The following BLTP3B variants were observed in gnomAD, a reference collection of about 807,000 sequenced individuals.
BLTP3B encodes bridge-like lipid transfer protein family member 3B.
At chr12:100,112,669 A>G in the BLTP3B span, among the ~76,000 whole-genome samples, 1 of 152,046 alleles carries the variant, frequency 6.6e-6, no homozygotes, top group Non-Finnish European at 1.5e-5. Flanking sequence ...GCAAAACAAA[A>G]CAAAACAAAA....
the BLTP3B span, chr12:100,037,720 C>T: frequency 1.9e-6 from 3 of 1,609,750 alleles, no homozygotes; most frequent in Non-Finnish European, 1.7e-6. Flanking sequence ...TAGCTTTAGC[C>T]AGTTCCTGTT....
chr12:100,127,769 T>TGG, the BLTP3B span, among the ~76,000 whole-genome samples: 1 of 152,144 alleles, frequency 6.6e-6, no homozygotes, highest in African/African-American at 2.4e-5. Flanking sequence ...TCCTAGCACT[T>TGG]TGGGAGGCCT....
the BLTP3B span, among the ~76,000 whole-genome samples, chr12:100,066,603 C>T: frequency 6.6e-6 from 1 of 150,878 alleles, no homozygotes; most frequent in African/African-American, 2.4e-5. Flanking sequence ...ACCATCCTGG[C>T]TAACACGGTG....
chr12:100,084,777 A>G, the BLTP3B span: 4 of 1,037,642 alleles, frequency 3.9e-6, no homozygotes, highest in Non-Finnish European at 5.4e-6. Flanking sequence ...TATCTGAAAA[A>G]TTTACAGGCT....
chr12:100,098,968 A>G, the BLTP3B span, among the ~76,000 whole-genome samples: 1 of 151,284 alleles, frequency 6.6e-6, no homozygotes, highest in Non-Finnish European at 1.5e-5. Flanking sequence ...ATACATAGAT[A>G]CATAGATAAT....
the BLTP3B span, among the ~76,000 whole-genome samples, chr12:100,063,390 A>G: frequency 6.6e-5 from 10 of 152,194 alleles, no homozygotes; most frequent in African/African-American, 2.4e-4. Flanking sequence ...CCTGGCTCTC[A>G]GAATCCACAC....
At chr12:100,128,800 A>T in the BLTP3B span, 255 of 1,174,376 alleles carry the variant, frequency 2.2e-4, no homozygotes, top group Admixed American at 7.8e-4. Flanking sequence ...AATGATGATT[A>T]AAAAAATTTA....
chr12:100,106,427 A>G, the BLTP3B span, among the ~76,000 whole-genome samples: 2 of 151,882 alleles, frequency 1.3e-5, no homozygotes, highest in Non-Finnish European at 2.9e-5. Context: ...ACTCAGCCAT[A>G]AAAAAAGAGC....
chr12:100,109,669 G>A, the BLTP3B span, among the ~76,000 whole-genome samples: 2 of 152,100 alleles, frequency 1.3e-5, no homozygotes, highest in South Asian at 4.1e-4. Flanking sequence ...AGGAGGCTGA[G>A]GTGGGAGTTT....
the BLTP3B span, among the ~76,000 whole-genome samples, chr12:100,127,876 TG>T: frequency 6.6e-6 from 1 of 151,912 alleles, no homozygotes; most frequent in African/African-American, 2.4e-5. Flanking sequence ...CAGCCAGGCA[TG>T]GGGTACATGC....
At chr12:100,097,282 G>T in the BLTP3B span, 1 of 1,399,658 alleles carries the variant, frequency 7.1e-7, no homozygotes, top group Non-Finnish European at 9.6e-7. Context: ...ATTTCCTATA[G>T]TTAACTAATA....
the BLTP3B span, among the ~76,000 whole-genome samples, chr12:100,113,426 G>A: frequency 2.0e-5 from 3 of 152,004 alleles, no homozygotes; most frequent in African/African-American, 7.2e-5. Flanking sequence ...TTGCCCCACT[G>A]CACTCCAGCC....
the BLTP3B span, among the ~76,000 whole-genome samples, chr12:100,131,939 G>C: frequency 1.3e-4 from 20 of 152,186 alleles, no homozygotes; most frequent in African/African-American, 4.6e-4. Flanking sequence ...ACAGGCATGC[G>C]CCACCATGCC....
the BLTP3B span, chr12:100,050,268 G>C: frequency 5.6e-6 from 9 of 1,610,694 alleles, 1 homozygote; most frequent in South Asian, 8.9e-5. Context: ...CTTCCCCTCG[G>C]ATGTCAATTT....
the BLTP3B span, among the ~76,000 whole-genome samples, chr12:100,107,120 T>G: frequency 1.3e-5 from 2 of 151,676 alleles, no homozygotes; most frequent in African/African-American, 4.8e-5. Context: ...AAACCCCATC[T>G]CTACTAAAAA....
At chr12:100,116,057 A>G in the BLTP3B span, among the ~76,000 whole-genome samples, 1 of 151,778 alleles carries the variant, frequency 6.6e-6, no homozygotes. Context: ...CTGCAATCCC[A>G]GTTACTCAGG....
chr12:100,089,712 G>T, the BLTP3B span, among the ~76,000 whole-genome samples: 10 of 151,940 alleles, frequency 6.6e-5, no homozygotes, highest in African/African-American at 2.4e-4. Flanking sequence ...ACTCTTAAAG[G>T]CAGTTTATTT....
At chr12:100,113,358 G>A in the BLTP3B span, among the ~76,000 whole-genome samples, 4 of 151,862 alleles carry the variant, frequency 2.6e-5, no homozygotes, top group Middle Eastern at 3.4e-3. Context: ...AGCTACTCTG[G>A]AGGCTGAGAC....
chr12:100,127,315 G>A, the BLTP3B span, among the ~76,000 whole-genome samples: 1 of 152,158 alleles, frequency 6.6e-6, no homozygotes, highest in African/African-American at 2.4e-5. Context: ...TGAGATCCAG[G>A]TTCCCAAATG....
Sources: gnomAD v4.1 joint callset for allele counts (sites outside exome capture counted in the v4.1 genomes callset) on GRCh38, gnomAD v4.1.1 for gene constraint, MANE v1.5 for transcripts, NCBI Gene and HGNC (gene_info 2026-07-23, HGNC 2026-07-21) for gene names.